Variants in CENPP observed in about 807,000 individuals in gnomAD.
CENPP encodes centromere protein P.
CENPP carries 24 observed loss-of-function variants against 35.6 expected under a neutral mutation model. The observed-to-expected ratio is 0.67, with a 90% CI of 0.49 to 0.95. CENPP has a LOEUF of 0.95. Ranked by LOEUF, CENPP falls within the 40% of genes least tolerant of loss-of-function variation. The pLI is 0.00. For synonymous variants in CENPP, 120 were observed against 125.5 expected (o/e 0.96, Z 0.29); for missense variants, 332 against 345.3 (o/e 0.96, Z 0.31).
chr9:92,570,406 C>A (rs2131353343), intron 5 of CENPP, among the ~76,000 whole-genome samples: 1 of 152,236 alleles, frequency 6.6e-6, no homozygotes, highest in Middle Eastern at 3.4e-3. Context: ...GTTGAACCAG[C>A]CTTGCATCCC....
At chr9:92,443,390 G>A (rs1844470871) in intron 5 of CENPP, among the ~76,000 whole-genome samples, 1 of 152,126 alleles carries the variant, frequency 6.6e-6, no homozygotes, top group Non-Finnish European at 1.5e-5. Flanking sequence ...TAAAAAAAAT[G>A]TGTAAGACTT....
At chr9:92,379,713 G>T in intron 4 of CENPP, 50 bp from the exon 5 acceptor site, 1 of 1,337,086 alleles carries the variant, frequency 7.5e-7, no homozygotes. Flanking sequence ...GCTAGATTGG[G>T]TCTATCATTT....
intron 1 of CENPP, among the ~76,000 whole-genome samples, chr9:92,328,809 A>G (rs1337742695): frequency 1.3e-5 from 2 of 152,254 alleles, no homozygotes; most frequent in African/African-American, 2.4e-5. Context: ...CTCAAACTAA[A>G]TAACTGCTAT....
intron 5 of CENPP, among the ~76,000 whole-genome samples, chr9:92,554,188 C>CTT (rs71362402): frequency 1.9e-3 from 281 of 146,712 alleles, no homozygotes; most frequent in African/African-American, 6.2e-3. Flanking sequence ...GTTTTTAATT[C>CTT]TTTTTTTTTT....
chr9:92,567,321 AT>A (rs1371156455), intron 5 of CENPP, among the ~76,000 whole-genome samples: 3 of 147,884 alleles, frequency 2.0e-5, no homozygotes, highest in African/African-American at 4.9e-5. Context: ...ATACTTTTGT[AT>A]TTTTTAAATT....
intron 4 of CENPP, among the ~76,000 whole-genome samples, chr9:92,357,934 A>T (rs1178795077): frequency 1.3e-5 from 2 of 151,954 alleles, no homozygotes; most frequent in Non-Finnish European, 2.9e-5. Flanking sequence ...AAATCTGCTG[A>T]TCATTTTATT....
rs1225848648 is a variant in CENPP, at chr9:92,618,384, A to G, written c.*5235A>G. The G allele has an allele frequency of 6.6e-6, 3 of 456,502 alleles. No homozygotes were observed. Among genetic ancestry groups the G allele is most frequent in the Non-Finnish European group, 1.3e-5 (3 of 226,958 alleles). The allele number at this position is 456,502 out of a possible 1,614,324, so 28.3% of individuals were successfully genotyped here. A position where few individuals can be genotyped will look rare whatever the true frequency, so the allele number is the denominator to read the frequency against. On this transcript the variant is annotated 3_prime_UTR_variant, in exon 8 of 8. Transcript: ENST00000375587. ...GCTTTCCCCGCATGCTGGCTTTCCAATTTGACATCACTGACCAGGCACTAA... is the reference window on the plus strand; with the variant it reads ...GCTTTCCCCGCATGCTGGCTTTCCAGTTTGACATCACTGACCAGGCACTAA...
At chr9:92,454,582 T>G (rs1844818554) in intron 5 of CENPP, among the ~76,000 whole-genome samples, 1 of 152,218 alleles carries the variant, frequency 6.6e-6, no homozygotes, top group Non-Finnish European at 1.5e-5. Context: ...AATATTTTAA[T>G]TTTTGAGTGA....
chr9:92,618,235 T>C lies in CENPP; in HGVS notation c.*5086T>C. Reference sequence around the variant, plus strand: ...CCTGGCTAGAGTGCTTTGTGCAGGATGGTTCCAGTGCCTACACCCTAGGTC... The same window carrying C: ...CCTGGCTAGAGTGCTTTGTGCAGGACGGTTCCAGTGCCTACACCCTAGGTC... On this transcript the variant is annotated 3_prime_UTR_variant, in exon 8 of 8. Coordinates refer to ENST00000375587, the MANE Select transcript of CENPP (RefSeq NM_001012267.3). The C allele has an allele frequency of 2.2e-6, 1 of 456,698 alleles. No individual in the cohort carries two copies. Among genetic ancestry groups the C allele is most frequent in the South Asian group, 1.5e-5 (1 of 64,572 alleles). The allele number at this position is 456,698 out of a possible 1,614,324, so 28.3% of individuals were successfully genotyped here.
rs200349130 is a variant in CENPP at position 92,515,173 on chromosome 9, A to G, written c.565-96141A>G. On this transcript the variant is annotated intron_variant, in intron 5 of 7. Transcript: ENST00000375587. ...ACCAGAAAATTCATTTCTATCATTT[A>G]ATGCTATACCACTGAGTAGAGAATA... 125 of 1,606,414 alleles carry G rather than the reference A, an allele frequency of 7.8e-5. No homozygotes were observed. In the East Asian group the frequency reaches 2.7e-3, roughly 34 times the overall value.
intron 5 of CENPP, among the ~76,000 whole-genome samples, chr9:92,542,471 A>G (rs1849338354): frequency 6.7e-6 from 1 of 150,366 alleles, no homozygotes; most frequent in Admixed American, 6.6e-5. Context: ...GCCTACACCA[A>G]TATCATGGAG....
intron 5 of CENPP, among the ~76,000 whole-genome samples, chr9:92,586,371 A>T (rs192687007): frequency 1.9e-3 from 288 of 152,046 alleles, no homozygotes; most frequent in African/African-American, 6.8e-3. Flanking sequence ...GTCATGTACT[A>T]CCCCTGCCTG....
chr9:92,469,190 T>C (rs766926999), intron 5 of CENPP, among the ~76,000 whole-genome samples: 12 of 152,224 alleles, frequency 7.9e-5, no homozygotes, highest in Non-Finnish European at 1.3e-4. Flanking sequence ...TTTCTGACTG[T>C]CTTAATGTTT....
chr9:92,527,211 A>G (rs1208220726), intron 5 of CENPP, among the ~76,000 whole-genome samples: 1 of 152,094 alleles, frequency 6.6e-6, no homozygotes, highest in African/African-American at 2.4e-5. Flanking sequence ...GGATTTCACT[A>G]TGTTGCCCAG....
intron 5 of CENPP, among the ~76,000 whole-genome samples, chr9:92,500,076 G>A (rs1588186342): frequency 6.6e-6 from 1 of 152,196 alleles, no homozygotes; most frequent in Non-Finnish European, 1.5e-5. Context: ...ATGCTTTATA[G>A]ATTAGTTTTA....
intron 5 of CENPP, chr9:92,460,366 T>C (rs1257242741): frequency 1.5e-6 from 1 of 651,730 alleles, no homozygotes; most frequent in East Asian, 2.9e-5. Context: ...CCCTTCACAC[T>C]CTCCAGTTCC....
rs537736130 is a variant in CENPP, at chr9:92,457,079, T to C, written c.564+77220T>C. 45 of 1,349,706 alleles carry C rather than the reference T, an allele frequency of 3.3e-5. 1 individual carries two copies. The African/African-American group carries it at 5.6e-4, about 17-fold the overall frequency. 83.6% of individuals were successfully genotyped at this position (1,349,706 alleles called of 1,614,324 possible). On this transcript the variant is annotated intron_variant, in intron 5 of 7. Coordinates refer to ENST00000375587, the MANE Select transcript of CENPP (RefSeq NM_001012267.3). Reference sequence around the variant, plus strand: ...ATTTGTACGCAAAAAGAAACTGCAATAGATGCTTGTTTCTCTCAACCCTTA... The same window carrying C: ...ATTTGTACGCAAAAAGAAACTGCAACAGATGCTTGTTTCTCTCAACCCTTA...
In CENPP at chr9:92,457,088, G is replaced by T. The variant is rs1313643227; in HGVS notation, c.564+77229G>T. On this transcript the variant is annotated intron_variant, in intron 5 of 7. Transcript: ENST00000375587. ...CAAAAAGAAACTGCAATAGATGCTT[G>T]TTTCTCTCAACCCTTATGTATCAAT... 3 of 1,357,396 alleles carry T rather than the reference G, an allele frequency of 2.2e-6. No homozygotes were observed. In the Admixed American group the frequency reaches 1.0e-4, roughly 47 times the overall value. 84.1% of individuals were successfully genotyped at this position (1,357,396 alleles called of 1,614,324 possible).
At position 92,594,404 on chromosome 9, in the gene CENPP, C is replaced by T. The variant is rs970716985; in HGVS notation, c.565-16910C>T. On this transcript the variant is annotated intron_variant, in intron 5 of 7. Coordinates refer to ENST00000375587, the MANE Select transcript of CENPP (RefSeq NM_001012267.3). ...GCTCTGGGCCACTGGTACAGCACGGCGTGTCTGAGCCTTGTTTTTCTTATT... is the reference window on the plus strand; with the variant it reads ...GCTCTGGGCCACTGGTACAGCACGGTGTGTCTGAGCCTTGTTTTTCTTATT... Among the ~76,000 whole-genome samples the T allele has an allele frequency of 2.1e-4, 32 of 152,126 alleles. No homozygotes were observed. The East Asian group carries it at 2.5e-3, about 12-fold the overall frequency.
Sources: gnomAD v4.1 joint callset for allele counts (sites outside exome capture counted in the v4.1 genomes callset) on GRCh38, gnomAD v4.1.1 for gene constraint, MANE v1.5 for transcripts, NCBI Gene and HGNC (gene_info 2026-07-23, HGNC 2026-07-21) for gene names.